Variants in RGS6 observed in about 807,000 individuals in gnomAD.
RGS6 encodes regulator of G-protein signaling 6.
RGS6 carries 30 observed loss-of-function variants against 78.5 expected under a neutral mutation model. That is an observed-to-expected ratio of 0.38 (90% confidence interval 0.29 to 0.52). The LOEUF is 0.52. RGS6 is among the 20% of genes least tolerant of loss of function. The pLI is 0.85. For missense variants in RGS6, 495 were observed against 609.7 expected (o/e 0.81, Z 1.98); for synonymous variants, 206 against 206.0 (o/e 1.00, Z 0.00).
At chr14:72,086,005 T>C (rs1041308169) in intron 2 of RGS6, among the ~76,000 whole-genome samples, 7 of 152,158 alleles carry the variant, frequency 4.6e-5, no homozygotes, top group African/African-American at 1.7e-4. Flanking sequence ...ATCTTTTTTT[T>C]CCTGTCCTCT....
intron 3 of RGS6, among the ~76,000 whole-genome samples, chr14:72,365,348 T>C (rs186035572): frequency 6.7e-4 from 102 of 152,292 alleles, no homozygotes; most frequent in African/African-American, 2.4e-3. Flanking sequence ...AAAATTGATA[T>C]CCAGTTTTCC....
At chr14:72,072,716 G>A (rs1416310666) in intron 2 of RGS6, among the ~76,000 whole-genome samples, 1 of 152,118 alleles carries the variant, frequency 6.6e-6, no homozygotes, top group African/African-American at 2.4e-5. Flanking sequence ...GGTAATCACT[G>A]GTCCTTCACT....
At chr14:72,336,159 A>C (rs1023613640) in intron 2 of RGS6, among the ~76,000 whole-genome samples, 1 of 152,184 alleles carries the variant, frequency 6.6e-6, no homozygotes, top group African/African-American at 2.4e-5. Context: ...TATCTCTCAA[A>C]TTGTGTGTTG....
intron 2 of RGS6, among the ~76,000 whole-genome samples, chr14:72,148,817 A>G (rs1355080626): frequency 1.3e-5 from 2 of 152,228 alleles, no homozygotes; most frequent in Non-Finnish European, 2.9e-5. Flanking sequence ...AAAGTATAGT[A>G]TGGTGTCATA....
chr14:72,102,208 C>T (rs1470261607), intron 2 of RGS6, among the ~76,000 whole-genome samples: 3 of 152,168 alleles, frequency 2.0e-5, no homozygotes, highest in Non-Finnish European at 4.4e-5. Flanking sequence ...TCCAGAAGGT[C>T]CCCTTAGGAA....
intron 2 of RGS6, among the ~76,000 whole-genome samples, chr14:72,096,349 A>G (rs543099593): frequency 8.5e-5 from 13 of 152,186 alleles, no homozygotes; most frequent in African/African-American, 2.6e-4. Context: ...GTATATATTC[A>G]CAGAAAACGC....
At chr14:71,876,028 G>T in the RGS6 span, among the ~76,000 whole-genome samples, 2 of 152,136 alleles carry the variant, frequency 1.3e-5, no homozygotes, top group Non-Finnish European at 2.9e-5. Context: ...TATAATTTCT[G>T]TTCTTTTACA....
intron 15 of RGS6, among the ~76,000 whole-genome samples, chr14:72,522,475 T>A (rs79779026): frequency 0.027 from 4,125 of 152,302 alleles, 194 homozygotes; most frequent in African/African-American, 0.094. Flanking sequence ...TAAAAAACTA[T>A]ACTTTTCCTA....
At chr14:72,391,185 C>T (rs1311720023) in intron 3 of RGS6, among the ~76,000 whole-genome samples, 1 of 152,226 alleles carries the variant, frequency 6.6e-6, no homozygotes, top group African/African-American at 2.4e-5. Flanking sequence ...TTCTCTTCTA[C>T]AGACACTAAT....
intron 2 of RGS6, among the ~76,000 whole-genome samples, chr14:72,204,047 C>G (rs866215003): frequency 6.6e-6 from 1 of 152,048 alleles, no homozygotes; most frequent in Non-Finnish European, 1.5e-5. Flanking sequence ...TGGTCTCAAA[C>G]TCCTGACCTC....
intron 2 of RGS6, among the ~76,000 whole-genome samples, chr14:72,003,182 A>G (rs962727935): frequency 1.3e-5 from 2 of 152,276 alleles, no homozygotes; most frequent in African/African-American, 2.4e-5. Flanking sequence ...TGCGGCTACT[A>G]TTTTACTTAC....
the RGS6 span, among the ~76,000 whole-genome samples, chr14:72,585,225 G>T: frequency 6.6e-6 from 1 of 152,106 alleles, no homozygotes; most frequent in Non-Finnish European, 1.5e-5. Context: ...TTCTAAAGTT[G>T]AACTCACAAT....
intron 2 of RGS6, among the ~76,000 whole-genome samples, chr14:72,067,444 C>T (rs530091028): frequency 8.5e-5 from 13 of 152,080 alleles, no homozygotes; most frequent in Admixed American, 2.0e-4. Flanking sequence ...CAAACCTGCA[C>T]GTTCTGCACA....
intron 2 of RGS6, among the ~76,000 whole-genome samples, chr14:72,117,851 A>G (rs8011117): frequency 0.79 from 119,791 of 151,998 alleles, 47,498 homozygotes; most frequent in Middle Eastern, 0.84. Context: ...GTGACCCACA[A>G]GGACCCATGA....
upstream of RGS6, among the ~76,000 whole-genome samples, chr14:71,928,661 C>T (rs1262846540): frequency 6.6e-6 from 1 of 152,180 alleles, no homozygotes; most frequent in African/African-American, 2.4e-5. Context: ...TACACATTTT[C>T]CTGCAACTCC....
intron 2 of RGS6, among the ~76,000 whole-genome samples, chr14:72,259,659 G>A (rs895417939): frequency 1.4e-4 from 22 of 152,174 alleles, no homozygotes; most frequent in Non-Finnish European, 1.5e-5. Flanking sequence ...TGTAATCCCA[G>A]CACTTTGGGA....
intron 3 of RGS6, among the ~76,000 whole-genome samples, chr14:72,452,099 C>G (rs1262008657): frequency 6.6e-6 from 1 of 152,112 alleles, no homozygotes; most frequent in Non-Finnish European, 1.5e-5. Flanking sequence ...TCTCTCCCAC[C>G]CCCAGCTTGG....
In RGS6 at chr14:72,082,512, G is replaced by GT. The variant is rs2094866382; in HGVS notation, c.84+117640dup. 2.6e-5 allele frequency among the ~76,000 whole-genome samples: 4 copies of GT among 152,096 alleles called. No homozygotes were observed. In the South Asian group the frequency reaches 8.3e-4, roughly 32 times the overall value. ...TGTATCCTGCAACTTTACTGAATTT[G>GT]TTTATTAAACTATTAGATGATAGTT... On this transcript the variant is annotated intron_variant, in intron 2 of 17. Transcript: ENST00000553525.
At chr14:72,260,281 C>T (rs1484042787) in intron 2 of RGS6, among the ~76,000 whole-genome samples, 9 of 152,138 alleles carry the variant, frequency 5.9e-5, no homozygotes, top group Non-Finnish European at 1.2e-4. Flanking sequence ...ATGTTTTGAG[C>T]GCTGAGTTGC....
Sources: allele counts gnomAD v4.1 joint callset (sites outside exome capture counted in the v4.1 genomes callset), GRCh38; gene constraint gnomAD v4.1.1; transcripts MANE v1.5; gene names NCBI Gene and HGNC (gene_info 2026-07-23, HGNC 2026-07-21).